The following PRDM6 variants were observed in gnomAD, a reference collection of about 807,000 sequenced individuals.
The protein encoded by PRDM6 is PR/SET domain 6.
PRDM6 carries 25 observed loss-of-function variants against 60.8 expected under a neutral mutation model. That is an observed-to-expected ratio of 0.41 (90% CI 0.30 to 0.57). The LOEUF is 0.57. Ranked by LOEUF, PRDM6 falls within the 20% of genes least tolerant of loss-of-function variation. The pLI, the probability that PRDM6 is intolerant of heterozygous loss-of-function variation, is 0.27. For missense variants in PRDM6, 839 were observed against 821.3 expected, an observed-to-expected ratio of 1.02 and a Z score of -0.26; for synonymous variants, 407 against 357.4, an observed-to-expected ratio of 1.14 and a Z score of -1.57.
intron 5 of PRDM6, among the ~76,000 whole-genome samples, chr5:123,162,427 G>A (rs1324074267): frequency 6.6e-6 from 1 of 152,180 alleles, no homozygotes; most frequent in Non-Finnish European, 1.5e-5. Flanking sequence ...CTTTCTGCTA[G>A]TGTCTAACCT....
intron 3 of PRDM6, among the ~76,000 whole-genome samples, chr5:123,109,338 C>T (rs1185963971): frequency 6.6e-6 from 1 of 151,976 alleles, no homozygotes. Context: ...ATATTGATGG[C>T]TATGTAAATT....
chr5:123,159,765 T>A, intron 5 of PRDM6, 127 bp downstream of exon 5: 1 of 914,016 alleles, frequency 1.1e-6, no homozygotes, highest in East Asian at 2.7e-5. Flanking sequence ...CATATACAAG[T>A]CTATTCCATC....
chr5:123,147,886 G>A (rs192966570), intron 3 of PRDM6, among the ~76,000 whole-genome samples: 19 of 152,310 alleles, frequency 1.2e-4, no homozygotes, highest in Non-Finnish European at 2.4e-4. Context: ...CGCCTTCAGA[G>A]ATAAGTGGAA....
chr5:123,111,229 CTA>C (rs149200628), intron 3 of PRDM6, among the ~76,000 whole-genome samples: 97 of 152,264 alleles, frequency 6.4e-4, no homozygotes, highest in Non-Finnish European at 1.1e-3. Context: ...TTAAAAAAAT[CTA>C]TGTTTTCAAT....
At chr5:123,118,696 C>T (rs761623815) in intron 3 of PRDM6, among the ~76,000 whole-genome samples, 4 of 152,174 alleles carry the variant, frequency 2.6e-5, no homozygotes, top group Non-Finnish European at 5.9e-5. Context: ...TAATGTCTTA[C>T]ATTTGGTAGC....
At chr5:123,155,849 G>T in intron 3 of PRDM6, 35 bp from the exon 4 acceptor site, 1 of 1,544,470 alleles carries the variant, frequency 6.5e-7, no homozygotes, top group Non-Finnish European at 8.7e-7. Flanking sequence ...CTGATGATTC[G>T]TTCTAACTAC....
intron 3 of PRDM6, among the ~76,000 whole-genome samples, chr5:123,148,500 T>C (rs1765298504): frequency 1.3e-5 from 2 of 151,510 alleles, no homozygotes; most frequent in Admixed American, 1.3e-4. Context: ...TGAGAAAAAA[T>C]AAAAAGCTGA....
chr5:123,125,789 A>G (rs947107300), intron 3 of PRDM6, among the ~76,000 whole-genome samples: 3 of 152,196 alleles, frequency 2.0e-5, no homozygotes, highest in African/African-American at 7.2e-5. Context: ...AAGAAGGGGT[A>G]GTTCCCCAAA....
chr5:123,139,514 T>G (rs983678930), intron 3 of PRDM6, among the ~76,000 whole-genome samples: 10 of 151,218 alleles, frequency 6.6e-5, no homozygotes, highest in South Asian at 2.1e-4. Flanking sequence ...TTTTTGGGAG[T>G]TGTGTGTGTG....
chr5:123,106,308 G>A (rs1764196143), intron 3 of PRDM6, among the ~76,000 whole-genome samples: 1 of 152,212 alleles, frequency 6.6e-6, no homozygotes, highest in Non-Finnish European at 1.5e-5. Flanking sequence ...GTTAGTGGGA[G>A]CATAAGGGTT....
At chr5:123,123,724 C>G (rs867264401) in intron 3 of PRDM6, among the ~76,000 whole-genome samples, 1 of 152,154 alleles carries the variant, frequency 6.6e-6, no homozygotes, top group Non-Finnish European at 1.5e-5. Context: ...TAATGCCACT[C>G]TGATAACATT....
Position 123,090,255 on chromosome 5 carries a change from T to G in PRDM6, c.241T>G (p.Ser81Ala). The change falls in exon 2 of 8, where the codon TCC becomes GCC. Residue 81 changes from serine (S) to alanine (A), a missense_variant. Around this residue, in one of 2 missense-constraint regions of PRDM6, gnomAD observed 730 missense variants for 648.8 expected, o/e 1.13. Transcript: ENST00000407847. ...GCCCGCCTCTCTCTCCTCCGCCTCG[T>G]CCACGCCGGCTTCCTCTTCCACCTC... ...PRPASLSSAS[S>A]TPASSSTSAS... The G allele has an allele frequency of 6.7e-7, 1 of 1,487,446 alleles. No homozygotes were observed. Among genetic ancestry groups the G allele is most frequent in the Non-Finnish European group, 8.9e-7 (1 of 1,118,878 alleles). 92.1% of individuals were successfully genotyped at this position (1,487,446 alleles called of 1,614,324 possible).
intron 3 of PRDM6, among the ~76,000 whole-genome samples, chr5:123,150,191 AT>A (rs1022429388): frequency 2.0e-5 from 3 of 151,108 alleles, no homozygotes; most frequent in East Asian, 1.9e-4. Context: ...TATTAGCACC[AT>A]TTTTTTTTCT....
chr5:123,091,193 T>G (rs1050872028), intron 2 of PRDM6, among the ~76,000 whole-genome samples: 1 of 152,022 alleles, frequency 6.6e-6, no homozygotes, highest in African/African-American at 2.4e-5. Context: ...AGTCCGTTTC[T>G]CCTTGAAGGC....
intron 5 of PRDM6, among the ~76,000 whole-genome samples, chr5:123,164,809 G>C (rs779148850): frequency 1.9e-4 from 29 of 152,238 alleles, no homozygotes; most frequent in Non-Finnish European, 3.5e-4. Context: ...AGTGTAGGGG[G>C]CTGACATCTC....
At chr5:123,128,875 T>C (rs1764754281) in intron 3 of PRDM6, among the ~76,000 whole-genome samples, 1 of 152,246 alleles carries the variant, frequency 6.6e-6, no homozygotes, top group African/African-American at 2.4e-5. Flanking sequence ...GGCTAGGTTT[T>C]CTTGTAGGGT....
intron 3 of PRDM6, among the ~76,000 whole-genome samples, chr5:123,112,287 A>T (rs1206248542): frequency 6.6e-6 from 1 of 152,208 alleles, no homozygotes; most frequent in African/African-American, 2.4e-5. Flanking sequence ...GCAGTGCTGC[A>T]TCCAGCGACA....
intron 6 of PRDM6, among the ~76,000 whole-genome samples, chr5:123,174,196 A>G (rs1249377053): frequency 6.6e-6 from 1 of 152,176 alleles, no homozygotes; most frequent in Non-Finnish European, 1.5e-5. Context: ...TTTGAGCATC[A>G]TGTTGCTGTT....
Position 123,192,370 on chromosome 5 carries a change from T to C in PRDM6, c.*5169T>C, listed in dbSNP as rs532882443. Reference sequence around the variant, plus strand: ...ACAGGCAATTGTTAAAAGAGGAAAATACTTCTCTATGTAAAGCTTTTTTTT... The same window carrying C: ...ACAGGCAATTGTTAAAAGAGGAAAACACTTCTCTATGTAAAGCTTTTTTTT... On this transcript the variant is annotated 3_prime_UTR_variant, in exon 8 of 8. Coordinates refer to ENST00000407847, the MANE Select transcript of PRDM6 (RefSeq NM_001136239.4). 6.6e-5 allele frequency: 10 copies of C among 152,312 alleles called. No homozygotes were observed. The South Asian group carries it at 2.1e-3, about 32-fold the overall frequency. The allele number at this position is 152,312 out of a possible 1,614,324, so 9.4% of individuals were successfully genotyped here.
Sources: gnomAD v4.1 joint callset for allele counts (sites outside exome capture counted in the v4.1 genomes callset) on GRCh38, gnomAD v4.1.1 for gene constraint, gnomAD v4.1.1 regional missense constraint, MANE v1.5 for transcripts, NCBI Gene and HGNC (gene_info 2026-07-23, HGNC 2026-07-21) for gene names.